The following RPH3A variants were observed in gnomAD, a reference collection of about 807,000 sequenced individuals.
RPH3A encodes the protein rabphilin-3A.
Under a neutral mutation model 102.2 loss-of-function variants are expected in RPH3A, and 48 were observed. The ratio of observed to expected loss-of-function variants is 0.47; its 90% confidence interval spans 0.37 to 0.60. RPH3A has a LOEUF of 0.60. RPH3A is among the 20% of genes least tolerant of loss of function. The probability of loss-of-function intolerance (pLI) is 0.00; values close to 1 mark genes in which losing one functional copy is unlikely to be tolerated. For synonymous variants in RPH3A, 310 were observed against 324.3 expected (o/e 0.96, Z 0.47); for missense variants, 781 against 910.1 (o/e 0.86, Z 1.83).
At chr12:112,762,226 C>A (rs1194883808) in intron 1 of RPH3A, among the ~76,000 whole-genome samples, 3 of 152,118 alleles carry the variant, frequency 2.0e-5, no homozygotes, top group Non-Finnish European at 4.4e-5. Context: ...TTTGTACTCC[C>A]CAAAGTCTGG....
intron 1 of RPH3A, among the ~76,000 whole-genome samples, chr12:112,723,065 G>A (rs191738851): frequency 9.0e-4 from 137 of 152,234 alleles, no homozygotes; most frequent in Admixed American, 2.1e-3. Flanking sequence ...ACAATTTGCC[G>A]AAATTGTTCA....
intron 1 of RPH3A, among the ~76,000 whole-genome samples, chr12:112,725,259 A>C (rs1043065643): frequency 2.7e-5 from 4 of 149,532 alleles, no homozygotes; most frequent in African/African-American, 5.0e-5. Flanking sequence ...AGAAAAAAAA[A>C]AAAAAAAAAA....
chr12:112,836,912 A>G (rs1050799314), intron 4 of RPH3A, among the ~76,000 whole-genome samples: 2 of 152,210 alleles, frequency 1.3e-5, no homozygotes, highest in Non-Finnish European at 2.9e-5. Context: ...AGGGCTCTGG[A>G]TTGTTATGTG....
At chr12:112,662,538 C>A (rs1174772901) in intron 1 of RPH3A, among the ~76,000 whole-genome samples, 1 of 152,224 alleles carries the variant, frequency 6.6e-6, no homozygotes, top group African/African-American at 2.4e-5. Context: ...TCCTCTCCCA[C>A]GGTCTATGGC....
chr12:112,611,795 A>G (rs2135974617), intron 1 of RPH3A, among the ~76,000 whole-genome samples: 1 of 152,004 alleles, frequency 6.6e-6, no homozygotes, highest in Admixed American at 6.6e-5. Flanking sequence ...CAATAGAAAT[A>G]CTCTTATGTA....
chr12:112,650,389 C>G (rs887826424), intron 1 of RPH3A, among the ~76,000 whole-genome samples: 3 of 152,200 alleles, frequency 2.0e-5, no homozygotes, highest in African/African-American at 7.2e-5. Flanking sequence ...CAGGCTTGAT[C>G]ATTGCCAAGC....
At chr12:112,650,155 G>A (rs976821071) in intron 1 of RPH3A, among the ~76,000 whole-genome samples, 4 of 152,176 alleles carry the variant, frequency 2.6e-5, no homozygotes, top group South Asian at 2.1e-4. Context: ...TGAAGTCTGG[G>A]AAAGCTGACA....
intron 1 of RPH3A, among the ~76,000 whole-genome samples, chr12:112,691,518 C>T (rs1456457272): frequency 6.6e-6 from 1 of 152,192 alleles, no homozygotes; most frequent in African/African-American, 2.4e-5. Flanking sequence ...GTACAGTACC[C>T]TTTTGGTGAA....
intron 1 of RPH3A, among the ~76,000 whole-genome samples, chr12:112,786,605 T>G (rs1221065741): frequency 6.6e-6 from 1 of 152,176 alleles, no homozygotes; most frequent in Non-Finnish European, 1.5e-5. Context: ...CAAAGCCCAG[T>G]GTTCAGGCTA....
chr12:112,769,975 G>A (rs1592989349), intron 1 of RPH3A, among the ~76,000 whole-genome samples: 1 of 152,044 alleles, frequency 6.6e-6, no homozygotes, highest in South Asian at 2.1e-4. Flanking sequence ...GTATTGTTTT[G>A]TGAATGCATT....
At position 112,868,610 on chromosome 12, in the gene RPH3A, G is replaced by A. The variant is rs561217286; in HGVS notation, c.610+15G>A. On this transcript the variant is annotated intron_variant, in intron 8 of 21. Coordinates refer to ENST00000389385, the MANE Select transcript of RPH3A (RefSeq NM_001143854.2). ...TCCAGCTCGAGGTAGGACAAAACAG[G>A]TGCTTCTTTCAGGACCAAGGACAGA... 17 of 1,611,666 alleles carry A rather than the reference G, an allele frequency of 1.1e-5. No homozygotes were observed. The highest frequency in any genetic ancestry group is 1.3e-5 in the African/African-American group (1 of 74,924).
chr12:112,824,598 C>T (rs2041835682), intron 2 of RPH3A, among the ~76,000 whole-genome samples: 1 of 152,142 alleles, frequency 6.6e-6, no homozygotes, highest in Admixed American at 6.5e-5. Context: ...GAACATTTTC[C>T]TCTTCTGGTC....
intron 14 of RPH3A, among the ~76,000 whole-genome samples, chr12:112,880,112 C>T (rs2042881137): frequency 6.6e-6 from 1 of 152,162 alleles, no homozygotes; most frequent in South Asian, 2.1e-4. Context: ...CTTAACACAA[C>T]TCTTAGACCA....
chr12:112,690,146 T>C (rs1325480470), intron 1 of RPH3A, among the ~76,000 whole-genome samples: 1 of 152,218 alleles, frequency 6.6e-6, no homozygotes, highest in South Asian at 2.1e-4. Context: ...ATACCATTTG[T>C]AGAAAAGTTG....
chr12:112,802,078 T>C (rs2041365573), intron 2 of RPH3A, among the ~76,000 whole-genome samples: 1 of 152,242 alleles, frequency 6.6e-6, no homozygotes, highest in Non-Finnish European at 1.5e-5. Flanking sequence ...TTTTTTTCTC[T>C]GCGCTGGCCA....
intron 1 of RPH3A, among the ~76,000 whole-genome samples, chr12:112,763,917 T>C (rs1319400308): frequency 6.6e-6 from 1 of 152,190 alleles, no homozygotes; most frequent in East Asian, 1.9e-4. Flanking sequence ...GGGGCTGTGT[T>C]CCCTCAGGTC....
At chr12:112,805,946 C>T (rs531348893) in intron 2 of RPH3A, among the ~76,000 whole-genome samples, 2 of 152,178 alleles carry the variant, frequency 1.3e-5, no homozygotes, top group African/African-American at 4.8e-5. Flanking sequence ...AATGTTTTGC[C>T]CAACTTGAAT....
intron 1 of RPH3A, among the ~76,000 whole-genome samples, chr12:112,718,413 G>A (rs1193225110): frequency 6.6e-6 from 1 of 152,106 alleles, no homozygotes; most frequent in Non-Finnish European, 1.5e-5. Context: ...TTCTTCCCAG[G>A]GAATTATGTC....
chr12:112,848,677 T>A (rs2042272641), intron 5 of RPH3A, among the ~76,000 whole-genome samples: 1 of 152,022 alleles, frequency 6.6e-6, no homozygotes, highest in Non-Finnish European at 1.5e-5. Flanking sequence ...AGGGTGGGGA[T>A]AATGAAAACA....
Sources: allele counts gnomAD v4.1 joint callset (sites outside exome capture counted in the v4.1 genomes callset), GRCh38; gene constraint gnomAD v4.1.1; transcripts MANE v1.5; gene names NCBI Gene and HGNC (gene_info 2026-07-23, HGNC 2026-07-21).